TGFBR3: variants seen among roughly 807,000 people sequenced by gnomAD.
The protein encoded by TGFBR3 is transforming growth factor beta receptor type 3.
Under a neutral mutation model 87.9 loss-of-function variants are expected in TGFBR3, and 46 were observed. The ratio of observed to expected loss-of-function variants is 0.52; its 90% confidence interval spans 0.41 to 0.67. TGFBR3 has a LOEUF of 0.67. Among genes scored for constraint, TGFBR3 ranks in the 30% least tolerant of loss-of-function variants. TGFBR3 has a pLI of 0.00. For synonymous variants in TGFBR3, 381 were observed against 391.6 expected (o/e 0.97, Z 0.32); for missense variants, 866 against 1,041.9 (o/e 0.83, Z 2.32).
At chr1:91,841,557 G>C (rs1677281145) in intron 2 of TGFBR3, among the ~76,000 whole-genome samples, 1 of 150,034 alleles carries the variant, frequency 6.7e-6, no homozygotes, top group African/African-American at 2.5e-5. Flanking sequence ...CACTTTGGGA[G>C]GCCAAGGCGG....
At chr1:91,786,744 G>A (rs1674983728) in intron 3 of TGFBR3, among the ~76,000 whole-genome samples, 1 of 148,582 alleles carries the variant, frequency 6.7e-6, no homozygotes, top group Non-Finnish European at 1.5e-5. Context: ...GAGCAAGACT[G>A]TGTCTCCAAA....
intron 4 of TGFBR3, among the ~76,000 whole-genome samples, chr1:91,756,240 C>T (rs949998941): frequency 2.0e-5 from 3 of 152,150 alleles, no homozygotes; most frequent in African/African-American, 7.2e-5. Flanking sequence ...ACAGCTATTT[C>T]CTATAGTATT....
At position 91,899,256 on chromosome 1, in the gene TGFBR3, T is replaced by C. The variant is rs144887222; in HGVS notation, c.-114+381A>G. Among the ~76,000 whole-genome samples the C allele has an allele frequency of 7.9e-3, 1,196 of 152,284 alleles. 4 individuals carry two copies. Among genetic ancestry groups the C allele is most frequent in the Non-Finnish European group, 0.013 (866 of 68,014 alleles). ...AATGTCAGCTGGGTGCCATGGTTTATGCTATAACCCCTGCACTTTGGAAAG... is the reference window on the plus strand; with the variant it reads ...AATGTCAGCTGGGTGCCATGGTTTACGCTATAACCCCTGCACTTTGGAAAG... On this transcript the variant is annotated intron_variant, in intron 2 of 17. Transcript: ENST00000370399.
rs558716701 is a variant in TGFBR3 at position 91,702,352 on chromosome 1, T to A, written c.2288-4222A>T. 7.7e-4 allele frequency among the ~76,000 whole-genome samples: 117 copies of A among 152,242 alleles called. No individual in the cohort carries two copies. In the Middle Eastern group the frequency reaches 0.017, roughly 22 times the overall value. On this transcript the variant is annotated intron_variant, in intron 14 of 16. Coordinates refer to ENST00000212355, the MANE Select transcript of TGFBR3 (RefSeq NM_003243.5). ...CACACCATTTTCAGAGTAGCCTTCC[T>A]AAATGACCTAATCGCCGGGCGCGGT...
At chr1:91,903,547 A>T (rs1679778369) in intron 1 of TGFBR3, among the ~76,000 whole-genome samples, 1 of 151,736 alleles carries the variant, frequency 6.6e-6, no homozygotes, top group Non-Finnish European at 1.5e-5. Flanking sequence ...GTTCAAGACC[A>T]GCCCAGGCAA....
chr1:91,799,531 T>C (rs1451450856), intron 2 of TGFBR3, among the ~76,000 whole-genome samples: 3 of 152,192 alleles, frequency 2.0e-5, no homozygotes, highest in Non-Finnish European at 1.5e-5. Context: ...GAAATTATCC[T>C]ACTCCTACTC....
chr1:91,702,836 G>A (rs1671669112), intron 14 of TGFBR3, among the ~76,000 whole-genome samples: 1 of 152,182 alleles, frequency 6.6e-6, no homozygotes, highest in South Asian at 2.1e-4. Context: ...CCTGAGGTCA[G>A]GAGTTTGAGA....
intron 12 of TGFBR3, among the ~76,000 whole-genome samples, chr1:91,713,152 G>T (rs1571431910): frequency 6.6e-6 from 1 of 152,280 alleles, no homozygotes; most frequent in African/African-American, 2.4e-5. Context: ...AAGTGTCCCA[G>T]CTGCTCACAG....
chr1:91,767,723 T>C (rs1206947002), intron 3 of TGFBR3, among the ~76,000 whole-genome samples: 1 of 75,588 alleles, frequency 1.3e-5, no homozygotes, highest in Non-Finnish European at 3.0e-5. Flanking sequence ...GGTGTTAGTC[T>C]TGGGACATAG....
chr1:91,811,796 T>C (rs1676039678), intron 2 of TGFBR3, among the ~76,000 whole-genome samples: 2 of 152,150 alleles, frequency 1.3e-5, no homozygotes, highest in South Asian at 4.1e-4. Context: ...GACGAAACTT[T>C]ACATAGTAAC....
intron 1 of TGFBR3, among the ~76,000 whole-genome samples, chr1:91,864,677 A>G (rs1678320834): frequency 6.6e-6 from 1 of 152,208 alleles, no homozygotes; most frequent in Non-Finnish European, 1.5e-5. Context: ...AGTTTTGGCC[A>G]CAACTTGTAC....
intron 3 of TGFBR3, among the ~76,000 whole-genome samples, chr1:91,789,224 T>C (rs1340528915): frequency 6.6e-6 from 1 of 152,148 alleles, no homozygotes; most frequent in Non-Finnish European, 1.5e-5. Context: ...GGAGAATCTC[T>C]TGAACCCAAG....
chr1:91,744,918 G>C (rs1050249830), intron 4 of TGFBR3, among the ~76,000 whole-genome samples: 4 of 152,208 alleles, frequency 2.6e-5, no homozygotes, highest in African/African-American at 9.6e-5. Flanking sequence ...GGAAGAAATG[G>C]GCCTTGTGAA....
At position 91,695,792 on chromosome 1, in the gene TGFBR3, G is replaced by C; in HGVS notation, c.2330-13C>G. ...CCATGGAAAATTGCTATAAAGGAGAGAAACCGATACACACAACTTTTTGGT... is the reference window on the plus strand; with the variant it reads ...CCATGGAAAATTGCTATAAAGGAGACAAACCGATACACACAACTTTTTGGT... On this transcript the variant is annotated splice_polypyrimidine_tract_variant and intron_variant, in intron 15 of 16. Coordinates refer to ENST00000212355, the MANE Select transcript of TGFBR3 (RefSeq NM_003243.5). 1 of 1,610,754 alleles carries C rather than the reference G, an allele frequency of 6.2e-7. No homozygotes were observed.
At chr1:91,734,045 G>GGAGGGAGA (rs201158351) in intron 5 of TGFBR3, among the ~76,000 whole-genome samples, 5,346 of 76,100 alleles carry the variant, frequency 0.07, 612 homozygotes, top group Non-Finnish European at 0.1. Context: ...AGGAAGGAAG[G>GGAGGGAGA]GAGGGAGAGA....
At chr1:91,730,029 C>T in intron 5 of TGFBR3, 56 bp from the exon 6 acceptor site, 1 of 1,600,460 alleles carries the variant, frequency 6.2e-7, no homozygotes, top group Non-Finnish European at 8.6e-7. Flanking sequence ...TAACCAGATT[C>T]AAAGGAAGGA....
At chr1:91,897,374 G>T (rs1679575263) in intron 2 of TGFBR3, among the ~76,000 whole-genome samples, 1 of 152,170 alleles carries the variant, frequency 6.6e-6, no homozygotes, top group Admixed American at 6.5e-5. Context: ...TTTGGTAAAA[G>T]GTTTTGTTAT....
rs572436702 is a variant in TGFBR3 at position 91,856,209 on chromosome 1, T to C, written c.61+5262A>G. 4.3e-3 allele frequency among the ~76,000 whole-genome samples: 656 copies of C among 152,234 alleles called. 6 individuals carry two copies. Among genetic ancestry groups the C allele is most frequent in the African/African-American group, 0.014 (601 of 41,532 alleles). On this transcript the variant is annotated intron_variant, in intron 2 of 16. Coordinates refer to ENST00000212355, the MANE Select transcript of TGFBR3 (RefSeq NM_003243.5). ...TCCCCAGTAGCTGGGACTACAGGCG[T>C]CCGCCACCGCGCGTGGCTAATTTTG...
intron 2 of TGFBR3, among the ~76,000 whole-genome samples, chr1:91,818,322 A>G (rs1307822304): frequency 1.8e-5 from 2 of 110,496 alleles, no homozygotes; most frequent in African/African-American, 3.5e-5. Context: ...TTTTTTTTTT[A>G]GGAAAGTTTA....
Sources: gnomAD v4.1 joint callset for allele counts (sites outside exome capture counted in the v4.1 genomes callset) on GRCh38, gnomAD v4.1.1 for gene constraint, MANE v1.5 for transcripts, NCBI Gene and HGNC (gene_info 2026-07-23, HGNC 2026-07-21) for gene names.